Variants in PKNOX2 observed in about 807,000 individuals in gnomAD.
PKNOX2 encodes the protein PBX/knotted 1 homeobox 2.
PKNOX2 carries 14 observed loss-of-function variants against 53.1 expected under a neutral mutation model. That is an observed-to-expected ratio of 0.26 (90% CI 0.17 to 0.41). The LOEUF is 0.41. PKNOX2 is among the 10% of genes least tolerant of loss of function. PKNOX2 has a pLI of 1.00. For synonymous variants in PKNOX2, 257 were observed against 242.8 expected (o/e 1.06, Z -0.54); for missense variants, 496 against 602.8 (o/e 0.82, Z 1.85).
rs750111944 is a variant in PKNOX2, at chr11:125,355,084, C to T, written c.87+3692C>T. Among the ~76,000 whole-genome samples, 9 of 151,962 alleles carry T rather than the reference C, an allele frequency of 5.9e-5. No homozygotes were observed. In the South Asian group the frequency reaches 1.0e-3, roughly 18 times the overall value. On this transcript the variant is annotated intron_variant, in intron 4 of 12. Coordinates refer to ENST00000298282, the MANE Select transcript of PKNOX2 (RefSeq NM_001382323.2). ...GAGTTCAAGACCAGCTTGGCCAACA[C>T]GGTGAAACTCTGTCTCTACTAAAAG...
intron 10 of PKNOX2, among the ~76,000 whole-genome samples, chr11:125,425,376 C>CTCTTTT (rs142866568): frequency 5.3e-5 from 8 of 152,180 alleles, no homozygotes; most frequent in South Asian, 2.1e-4. Flanking sequence ...TGTTCTGTAC[C>CTCTTTT]TCTTTTTCTT....
chr11:125,237,658 G>A (rs143882210), intron 2 of PKNOX2, among the ~76,000 whole-genome samples: 67 of 152,286 alleles, frequency 4.4e-4, no homozygotes, highest in African/African-American at 9.6e-4. Flanking sequence ...TGTTTGAGTC[G>A]AAAGGGCCCT....
rs148733713 is a variant in PKNOX2, at chr11:125,428,187, C to T, written c.937-825C>T. Among the ~76,000 whole-genome samples, 273 of 152,206 alleles carry T rather than the reference C, an allele frequency of 1.8e-3. 1 individual carries two copies. The highest frequency in any genetic ancestry group is 3.4e-3 in the Middle Eastern group (1 of 294). Reference sequence around the variant, plus strand: ...ACAGTCTGAGAGAGGGAGACAGATGCGTAGTCAGTGCACGGGCTGCAGCAT... The same window carrying T: ...ACAGTCTGAGAGAGGGAGACAGATGTGTAGTCAGTGCACGGGCTGCAGCAT... On this transcript the variant is annotated intron_variant, in intron 10 of 12. Transcript: ENST00000298282.
chr11:125,170,871 G>A (rs1439994192), intron 1 of PKNOX2, among the ~76,000 whole-genome samples: 1 of 151,588 alleles, frequency 6.6e-6, no homozygotes. Flanking sequence ...TTCGGATAGG[G>A]CCGGGGTGGG....
At chr11:125,315,784 C>T (rs551222099) in intron 2 of PKNOX2, among the ~76,000 whole-genome samples, 8 of 152,112 alleles carry the variant, frequency 5.3e-5, no homozygotes, top group African/African-American at 7.2e-5. Flanking sequence ...TCTGCACACC[C>T]GAGACCACAG....
chr11:125,341,669 G>A (rs1950693356), intron 3 of PKNOX2, among the ~76,000 whole-genome samples: 1 of 152,232 alleles, frequency 6.6e-6, no homozygotes, highest in Non-Finnish European at 1.5e-5. Context: ...AAGGCTTCAT[G>A]GAACAGTAGG....
chr11:125,259,301 A>G (rs1944647175), intron 2 of PKNOX2, among the ~76,000 whole-genome samples: 1 of 152,220 alleles, frequency 6.6e-6, no homozygotes, highest in Admixed American at 6.5e-5. Flanking sequence ...GACGCATGTT[A>G]GACACCCACT....
rs12290071 is a variant in PKNOX2, at chr11:125,224,783, G to A, written c.-200-10262G>A. ...GCACAGCCAAACTCCCTCATAATCA[G>A]CCAGCACCGTACACATCTGTCTAAC... On this transcript the variant is annotated intron_variant, in intron 1 of 12. Coordinates refer to ENST00000298282, the MANE Select transcript of PKNOX2 (RefSeq NM_001382323.2). Among the ~76,000 whole-genome samples, 648 of 152,268 alleles carry A rather than the reference G, an allele frequency of 4.3e-3. 4 individuals are homozygous for A. The highest frequency in any genetic ancestry group is 0.015 in the African/African-American group (612 of 41,556).
Position 125,385,681 on chromosome 11 carries a change from C to T in PKNOX2, c.358C>T (p.His120Tyr). Reference protein sequence around the residue: ...ENFVHQQEQEHKPFFSDDPEL... With the variant: ...ENFVHQQEQEYKPFFSDDPEL... ...CTTTGTCCACCAGCAGGAACAGGAG[C>T]ACAAACCCTTCTTCAGCGATGACCC... The change falls in exon 6 of 13, where the codon CAC (histidine) becomes TAC (tyrosine). Residue 120 changes from histidine to tyrosine, a missense_variant. This residue lies in a region of PKNOX2 where 168 missense variants were observed against 178.4 expected (regional missense o/e 0.94). Coordinates refer to ENST00000298282, the MANE Select transcript of PKNOX2 (RefSeq NM_001382323.2). The T allele has an allele frequency of 6.2e-7, 1 of 1,613,850 alleles. No homozygotes were observed. Among genetic ancestry groups the T allele is most frequent in the East Asian group, 2.2e-5 (1 of 44,854 alleles).
intron 3 of PKNOX2, among the ~76,000 whole-genome samples, chr11:125,345,862 G>A (rs560858045): frequency 7.2e-5 from 11 of 152,234 alleles, no homozygotes; most frequent in Middle Eastern, 3.4e-3. Context: ...ATCCTAAGGC[G>A]ACTGATTACA....
chr11:125,351,425 G>C (rs775697933), intron 4 of PKNOX2, 33 bp downstream of exon 4: 3 of 1,378,724 alleles, frequency 2.2e-6, no homozygotes, highest in African/African-American at 1.4e-5. Flanking sequence ...CTCCCACCAC[G>C]GGGGAGGGAG....
At chr11:125,315,869 G>A (rs1301414602) in intron 2 of PKNOX2, among the ~76,000 whole-genome samples, 1 of 152,122 alleles carries the variant, frequency 6.6e-6, no homozygotes, top group African/African-American at 2.4e-5. Context: ...CTACAAGCAG[G>A]TACCCTCACA....
chr11:125,371,818 G>T (rs1296535416), intron 5 of PKNOX2, among the ~76,000 whole-genome samples: 1 of 152,204 alleles, frequency 6.6e-6, no homozygotes, highest in Non-Finnish European at 1.5e-5. Flanking sequence ...AAGACAGTGA[G>T]GGCAGTGGTG....
intron 2 of PKNOX2, among the ~76,000 whole-genome samples, chr11:125,284,791 C>A (rs1292539900): frequency 6.6e-6 from 1 of 152,118 alleles, no homozygotes; most frequent in African/African-American, 2.4e-5. Flanking sequence ...ACACTAGGGA[C>A]TTCTGGAGGT....
rs1555119188 is a variant in PKNOX2 at position 125,218,407 on chromosome 11, T to TGGC, written c.-200-16636_-200-16635insCGG. Among the ~76,000 whole-genome samples, 371 of 120,770 alleles carry TGGC rather than the reference T, an allele frequency of 3.1e-3. 1 individual carries two copies. The highest frequency in any genetic ancestry group is 0.01 in the African/African-American group (342 of 32,830). The allele number at this position is 120,770 out of a possible 152,430, so 79.2% of individuals were successfully genotyped here. A position where few individuals can be genotyped will look rare whatever the true frequency, so the allele number is the denominator to read the frequency against. ...GACTCTGGGTGCTGCGTGGCAGTGATGGGGGGGGGACAGGAACTTGTTCCA... is the reference window on the plus strand; with the variant it reads ...GACTCTGGGTGCTGCGTGGCAGTGATGGCGGGGGGGGGACAGGAACTTGTTCCA... On this transcript the variant is annotated intron_variant, in intron 1 of 12. Coordinates refer to ENST00000298282, the MANE Select transcript of PKNOX2 (RefSeq NM_001382323.2).
At chr11:125,237,381 C>G (rs139109498) in intron 2 of PKNOX2, among the ~76,000 whole-genome samples, 12 of 152,308 alleles carry the variant, frequency 7.9e-5, no homozygotes, top group Non-Finnish European at 1.2e-4. Flanking sequence ...ATAAATACCC[C>G]CCTTCTCCAT....
At position 125,238,425 on chromosome 11, in the gene PKNOX2, A is replaced by G. The variant is rs192920633; in HGVS notation, c.-130+3310A>G. Among the ~76,000 whole-genome samples the G allele has an allele frequency of 2.6e-5, 4 of 152,324 alleles. 1 individual carries two copies. The highest frequency in any genetic ancestry group is 2.6e-4 in the Admixed American group (4 of 15,292). On this transcript the variant is annotated intron_variant, in intron 2 of 12. Coordinates refer to ENST00000298282, the MANE Select transcript of PKNOX2 (RefSeq NM_001382323.2). ...CTGAACCCTCACACTATGTTATGGG[A>G]TGATGTTATTATCTCTATTACAGAA...
At chr11:125,392,824 A>T (rs1453482803) in intron 6 of PKNOX2, among the ~76,000 whole-genome samples, 1 of 152,136 alleles carries the variant, frequency 6.6e-6, no homozygotes, top group Non-Finnish European at 1.5e-5. Flanking sequence ...GAAGGGAAAG[A>T]GAAGAAAGGT....
At chr11:125,189,437 GTGTGTGTGTGTATATATA>G (rs1271093491) in intron 1 of PKNOX2, among the ~76,000 whole-genome samples, 33 of 57,248 alleles carry the variant, frequency 5.8e-4, no homozygotes, top group Non-Finnish European at 8.4e-4. Flanking sequence ...GTGTGTGTGT[GTGTGTGTGTGTATATATA>G]TATATATATA....
Sources: gnomAD v4.1 joint callset for allele counts (sites outside exome capture counted in the v4.1 genomes callset) on GRCh38, gnomAD v4.1.1 for gene constraint, gnomAD v4.1.1 regional missense constraint, MANE v1.5 for transcripts, NCBI Gene and HGNC (gene_info 2026-07-23, HGNC 2026-07-21) for gene names.